SCARA5: variants seen among roughly 807,000 people sequenced by gnomAD.
SCARA5 encodes scavenger receptor class A member 5, also known as scavenger receptor class A, member 5 (putative).
In SCARA5, 45 loss-of-function variants were observed where a neutral mutation model predicts 46.3. That is an observed-to-expected ratio of 0.97 (90% CI 0.76 to 1.24). The LOEUF (loss-of-function observed/expected upper bound fraction) is 1.24. Among genes scored for constraint, SCARA5 ranks in the 50% most tolerant of loss-of-function variants. The probability of loss-of-function intolerance (pLI) is 0.00; values close to 1 mark genes in which losing one functional copy is unlikely to be tolerated. For synonymous variants in SCARA5, 333 were observed against 306.5 expected, an observed-to-expected ratio of 1.09 and a Z score of -0.90; for missense variants, 680 against 689.0, an observed-to-expected ratio of 0.99 and a Z score of 0.15.
At position 27,975,860 on chromosome 8, in the gene SCARA5, C is replaced by T. The variant is rs573168710; in HGVS notation, c.113-9318G>A. On this transcript the variant is annotated intron_variant, in intron 2 of 8. Transcript: ENST00000354914. Reference sequence around the variant, plus strand: ...CCAGATGCACCCAAGCCTTTCACACCCACTTCTAAGTACAGGAGAGCACGG... The same window carrying T: ...CCAGATGCACCCAAGCCTTTCACACTCACTTCTAAGTACAGGAGAGCACGG... 2.4e-4 allele frequency among the ~76,000 whole-genome samples: 37 copies of T among 152,074 alleles called. 1 individual carries two copies. The highest frequency in any genetic ancestry group is 2.5e-4 in the Non-Finnish European group (17 of 68,016).
At chr8:27,949,994 G>A (rs915361672) in intron 3 of SCARA5, among the ~76,000 whole-genome samples, 2 of 152,340 alleles carry the variant, frequency 1.3e-5, no homozygotes, top group Non-Finnish European at 2.9e-5. Flanking sequence ...GTCCACCAGG[G>A]CCTGAGCAGA....
intron 2 of SCARA5, among the ~76,000 whole-genome samples, chr8:27,967,516 GGCGGGGGGACGGCATTTTTTTAAAAAAT>G (rs1563541073): frequency 6.6e-6 from 1 of 152,130 alleles, no homozygotes; most frequent in Non-Finnish European, 1.5e-5. Flanking sequence ...GGGTGGGGGC[GGCGGGGGGACGGCATTTTTTTAAAAAAT>G]GCTTATCCCT....
At chr8:27,976,519 T>C (rs1410486072) in intron 2 of SCARA5, among the ~76,000 whole-genome samples, 1 of 152,186 alleles carries the variant, frequency 6.6e-6, no homozygotes, top group Non-Finnish European at 1.5e-5. Context: ...CACTCCTCTT[T>C]CTGGGATGCT....
chr8:27,972,344 AAC>A (rs758185185), intron 2 of SCARA5, among the ~76,000 whole-genome samples: 3 of 94,600 alleles, frequency 3.2e-5, no homozygotes, highest in African/African-American at 7.6e-5. Context: ...CAAAACAAAA[AAC>A]AAAACAAAAA....
chr8:27,959,135 A>C (rs1199932429), intron 3 of SCARA5, among the ~76,000 whole-genome samples: 1 of 152,194 alleles, frequency 6.6e-6, no homozygotes, highest in Admixed American at 6.5e-5. Context: ...CAGGAGGCGG[A>C]GGCAGGAGAA....
chr8:27,920,312 G>T (rs1158351598), intron 4 of SCARA5, among the ~76,000 whole-genome samples: 1 of 152,070 alleles, frequency 6.6e-6, no homozygotes, highest in Non-Finnish European at 1.5e-5. Context: ...CTCTAAAACA[G>T]TAATAATTTT....
At chr8:27,980,480 C>G (rs117383367) in intron 2 of SCARA5, among the ~76,000 whole-genome samples, 4,946 of 152,278 alleles carry the variant, frequency 0.032, 115 homozygotes, top group Non-Finnish European at 0.048. Context: ...CTGCCCCCAT[C>G]CCTAGAGTAA....
In SCARA5 at chr8:27,921,950, G is replaced by T. The variant is rs574457975; in HGVS notation, c.537C>A (p.Asp179Glu). The part of the protein sequence containing the change: ...LLRDRTGQQS[D>E]TAQLELYQLQ... Reference sequence around the variant, plus strand: ...GCTGGTAGAGCTCCAGCTGCGCCGTGTCGCTCTGCTGGCCCGTGCGGTCCC... The same window carrying T: ...GCTGGTAGAGCTCCAGCTGCGCCGTTTCGCTCTGCTGGCCCGTGCGGTCCC... Residue 179 changes from aspartate to glutamate, a missense_variant, in exon 4 of 9, where the codon GAC becomes GAA. This residue lies in a region of SCARA5 where 438 missense variants were observed against 384.5 expected (regional missense o/e 1.14). Transcript: ENST00000354914. 1.3e-4 allele frequency: 197 copies of T among 1,544,778 alleles called. No individual in the cohort carries two copies. The East Asian group carries it at 4.7e-3, about 37-fold the overall frequency.
At chr8:27,968,465 C>T (rs1808401517) in intron 2 of SCARA5, among the ~76,000 whole-genome samples, 1 of 152,200 alleles carries the variant, frequency 6.6e-6, no homozygotes, top group Non-Finnish European at 1.5e-5. Context: ...CTTTACCATA[C>T]ACTAGGCTCT....
intron 2 of SCARA5, among the ~76,000 whole-genome samples, chr8:27,971,393 T>A (rs1457157971): frequency 1.3e-5 from 2 of 152,126 alleles, no homozygotes; most frequent in African/African-American, 4.8e-5. Context: ...CACTTCAGAG[T>A]CCAATGTACA....
intron 4 of SCARA5, among the ~76,000 whole-genome samples, chr8:27,919,638 G>A (rs1007945463): frequency 1.3e-5 from 2 of 151,876 alleles, no homozygotes; most frequent in East Asian, 3.9e-4. Flanking sequence ...CCCCTAGCAT[G>A]AGAGGCAGTG....
chr8:27,894,938 T>C (rs1356663169), intron 7 of SCARA5, among the ~76,000 whole-genome samples: 1 of 152,132 alleles, frequency 6.6e-6, no homozygotes, highest in Non-Finnish European at 1.5e-5. Flanking sequence ...TTTGAGGGGC[T>C]CTGAGAACGG....
intron 7 of SCARA5, among the ~76,000 whole-genome samples, chr8:27,902,426 C>A (rs180762727): frequency 6.6e-6 from 1 of 152,166 alleles, no homozygotes; most frequent in Non-Finnish European, 1.5e-5. Context: ...ACAGAGCCCA[C>A]CAGCCTGGCC....
intron 7 of SCARA5, among the ~76,000 whole-genome samples, chr8:27,895,822 CT>C (rs961741379): frequency 1.3e-5 from 2 of 152,206 alleles, no homozygotes; most frequent in South Asian, 4.1e-4. Context: ...GTGACTTCCC[CT>C]CTTTGTCTCC....
chr8:27,983,091 T>TGGTGGCTGCAG, intron 2 of SCARA5, among the ~76,000 whole-genome samples: 1 of 152,248 alleles, frequency 6.6e-6, no homozygotes, highest in South Asian at 2.1e-4. Context: ...TCACCTCTGG[T>TGGTGGCTGCAG]GGTGGCTGCA....
intron 8 of SCARA5, among the ~76,000 whole-genome samples, chr8:27,877,235 C>T (rs1195734249): frequency 6.6e-6 from 1 of 152,180 alleles, no homozygotes; most frequent in Non-Finnish European, 1.5e-5. Flanking sequence ...GCTAGTGACA[C>T]CTGGCCTGCA....
chr8:27,873,092 T>A (rs1479773282), intron 8 of SCARA5, among the ~76,000 whole-genome samples: 3 of 152,188 alleles, frequency 2.0e-5, no homozygotes, highest in Non-Finnish European at 4.4e-5. Context: ...TTAGAACTGA[T>A]AGCTGATTAC....
intron 7 of SCARA5, among the ~76,000 whole-genome samples, chr8:27,895,057 C>G (rs955122603): frequency 3.3e-5 from 5 of 152,178 alleles, no homozygotes; most frequent in African/African-American, 1.2e-4. Context: ...CACCCTAAGC[C>G]TGGAAGATTG....
intron 7 of SCARA5, among the ~76,000 whole-genome samples, chr8:27,893,794 G>A (rs1245471301): frequency 1.3e-5 from 2 of 152,246 alleles, no homozygotes; most frequent in Admixed American, 1.3e-4. Flanking sequence ...GGGGATTCAT[G>A]GCTATCACTG....
Sources: allele counts gnomAD v4.1 joint callset (sites outside exome capture counted in the v4.1 genomes callset), GRCh38; gene constraint gnomAD v4.1.1; regional missense constraint gnomAD v4.1.1; transcripts MANE v1.5; gene names NCBI Gene and HGNC (gene_info 2026-07-23, HGNC 2026-07-21).